SGCZ: variants seen among roughly 807,000 people sequenced by gnomAD.
The protein encoded by SGCZ is sarcoglycan zeta.
A neutral mutation model predicts 41.3 loss-of-function variants in SGCZ; 40 were observed. The observed-to-expected ratio is 0.97, with a 90% CI of 0.75 to 1.26. The LOEUF (loss-of-function observed/expected upper bound fraction) is 1.26. Ranked by LOEUF, SGCZ falls within the 50% of genes most tolerant of loss-of-function variation. The pLI is 0.00. For synonymous variants in SGCZ, 206 were observed against 137.5 expected (o/e 1.50, Z -3.49); for missense variants, 552 against 369.8 (o/e 1.49, Z -4.04).
intron 1 of SGCZ, among the ~76,000 whole-genome samples, chr8:14,713,164 T>A (rs533006559): frequency 6.6e-6 from 1 of 152,310 alleles, no homozygotes; most frequent in East Asian, 1.9e-4. Context: ...CCAGGTTTAA[T>A]TGCAAAAGTT....
intron 1 of SGCZ, among the ~76,000 whole-genome samples, chr8:15,144,340 T>C (rs1798975267): frequency 6.6e-6 from 1 of 152,234 alleles, no homozygotes; most frequent in South Asian, 2.1e-4. Flanking sequence ...GTGTTATTTT[T>C]GTACCTCAGG....
At chr8:14,746,834 A>G (rs1314022344) in intron 1 of SGCZ, among the ~76,000 whole-genome samples, 3 of 152,192 alleles carry the variant, frequency 2.0e-5, no homozygotes, top group Non-Finnish European at 4.4e-5. Flanking sequence ...AATGAATTCA[A>G]TGTATACAGA....
chr8:14,122,569 T>C (rs546929733), intron 5 of SGCZ, among the ~76,000 whole-genome samples: 1 of 152,334 alleles, frequency 6.6e-6, no homozygotes, highest in South Asian at 2.1e-4. Flanking sequence ...ATAGAATACT[T>C]TTAGCCATTT....
In SGCZ at chr8:14,973,225, G is replaced by C. The variant is rs1169341752; in HGVS notation, c.39+264360C>G. Among the ~76,000 whole-genome samples, 3 of 151,920 alleles carry C rather than the reference G, an allele frequency of 2.0e-5. No individual in the cohort carries two copies. In the East Asian group the frequency reaches 5.8e-4, roughly 29 times the overall value. ...TGGAATATCTTTCTCAAAAACCCAG[G>C]AGCCATCCCTTTGAAATGTCATCAT... is the stretch of plus-strand genomic sequence containing the variant. On this transcript the variant is annotated intron_variant, in intron 1 of 7. Coordinates refer to ENST00000382080, the MANE Select transcript of SGCZ (RefSeq NM_139167.4).
At chr8:15,107,783 G>C (rs1027132958) in intron 1 of SGCZ, among the ~76,000 whole-genome samples, 1 of 152,144 alleles carries the variant, frequency 6.6e-6, no homozygotes, top group Non-Finnish European at 1.5e-5. Context: ...CATTGGCCTA[G>C]CACTCTTTGG....
intron 1 of SGCZ, among the ~76,000 whole-genome samples, chr8:15,105,277 C>A (rs755080012): frequency 6.6e-6 from 1 of 152,098 alleles, no homozygotes; most frequent in Non-Finnish European, 1.5e-5. Flanking sequence ...TCGACCTTGT[C>A]CATGATTATT....
chr8:14,478,664 G>C (rs529760353), intron 2 of SGCZ, among the ~76,000 whole-genome samples: 2 of 152,142 alleles, frequency 1.3e-5, no homozygotes, highest in Admixed American at 1.3e-4. Context: ...GAGTAACTAA[G>C]AGGGAATCTG....
At chr8:14,846,555 AAT>A (rs1293329793) in intron 1 of SGCZ, among the ~76,000 whole-genome samples, 1 of 152,058 alleles carries the variant, frequency 6.6e-6, no homozygotes, top group Non-Finnish European at 1.5e-5. Context: ...ACTTTATACC[AAT>A]ATGTTTGACA....
intron 1 of SGCZ, among the ~76,000 whole-genome samples, chr8:14,963,568 G>A (rs191284240): frequency 6.0e-4 from 91 of 152,054 alleles, no homozygotes; most frequent in Non-Finnish European, 2.6e-4. Context: ...GGCTGGTTTC[G>A]AACACCTGAC....
chr8:14,134,322 C>A (rs1803129717), intron 5 of SGCZ, among the ~76,000 whole-genome samples: 1 of 152,100 alleles, frequency 6.6e-6, no homozygotes, highest in Non-Finnish European at 1.5e-5. Flanking sequence ...TACACACTTT[C>A]AGAGCCAGTA....
intron 2 of SGCZ, among the ~76,000 whole-genome samples, chr8:14,394,067 A>G (rs536192172): frequency 9.9e-5 from 15 of 152,020 alleles, no homozygotes; most frequent in Middle Eastern, 6.9e-3. Flanking sequence ...TTATGTTCGC[A>G]GGAAAACAGA....
chr8:14,673,097 T>C (rs1240418508), intron 1 of SGCZ, among the ~76,000 whole-genome samples: 2 of 152,156 alleles, frequency 1.3e-5, no homozygotes, highest in Non-Finnish European at 2.9e-5. Flanking sequence ...GTGTACTTCT[T>C]TTATGTTTCC....
intron 4 of SGCZ, among the ~76,000 whole-genome samples, chr8:14,189,359 A>T (rs1244336303): frequency 6.6e-6 from 1 of 152,178 alleles, no homozygotes; most frequent in Non-Finnish European, 1.5e-5. Flanking sequence ...ACAGCTCCTT[A>T]TATTACTCAG....
chr8:14,885,460 T>A (rs1804752445), intron 1 of SGCZ, among the ~76,000 whole-genome samples: 1 of 152,150 alleles, frequency 6.6e-6, no homozygotes, highest in Non-Finnish European at 1.5e-5. Flanking sequence ...ATTAATTGGG[T>A]TGGATCCTTC....
chr8:14,764,987 C>T (rs183281672), intron 1 of SGCZ, among the ~76,000 whole-genome samples: 8 of 152,202 alleles, frequency 5.3e-5, no homozygotes, highest in South Asian at 2.1e-4. Context: ...TTTTAACTTT[C>T]GTAGAGCTTT....
intron 2 of SGCZ, among the ~76,000 whole-genome samples, chr8:14,334,439 C>A (rs759546984): frequency 2.0e-5 from 3 of 152,040 alleles, no homozygotes; most frequent in African/African-American, 7.2e-5. Context: ...TCATCCAGAA[C>A]ACAAGTCCAG....
At chr8:15,027,495 T>C (rs1490740423) in intron 1 of SGCZ, among the ~76,000 whole-genome samples, 1 of 152,124 alleles carries the variant, frequency 6.6e-6, no homozygotes, top group Non-Finnish European at 1.5e-5. Flanking sequence ...GAGCTGAATG[T>C]ACATTCTGAG....
At chr8:15,050,022 CAA>C (rs1804457157) in intron 1 of SGCZ, among the ~76,000 whole-genome samples, 1 of 152,046 alleles carries the variant, frequency 6.6e-6, no homozygotes, top group Admixed American at 6.6e-5. Context: ...AATGTGAGAA[CAA>C]ACTAATACAG....
intron 1 of SGCZ, among the ~76,000 whole-genome samples, chr8:15,234,364 G>T (rs904434182): frequency 4.8e-4 from 73 of 152,076 alleles, no homozygotes; most frequent in African/African-American, 1.8e-3. Flanking sequence ...TGGATTTTTT[G>T]ATGTTTCTTC....
Sources: allele counts gnomAD v4.1 joint callset (sites outside exome capture counted in the v4.1 genomes callset), GRCh38; gene constraint gnomAD v4.1.1; transcripts MANE v1.5; gene names NCBI Gene and HGNC (gene_info 2026-07-23, HGNC 2026-07-21).